Variants in WDFY3 observed in about 807,000 individuals in gnomAD.
WDFY3 encodes the protein WD repeat and FYVE domain containing 3, also known as WD repeat and FYVE domain-containing protein 3.
In WDFY3, 66 loss-of-function variants were observed where a neutral mutation model predicts 409.6. The ratio of observed to expected loss-of-function variants is 0.16; its 90% CI spans 0.13 to 0.20. The LOEUF (loss-of-function observed/expected upper bound fraction) is 0.20. Ranked by LOEUF, WDFY3 falls within the 10% of genes least tolerant of loss-of-function variation. The pLI, the probability that WDFY3 is intolerant of heterozygous loss-of-function variation, is 1.00. For synonymous variants in WDFY3, 1,521 were observed against 1,537.1 expected, an observed-to-expected ratio of 0.99 and a Z score of 0.25; for missense variants, 3,031 against 4,298.1, an observed-to-expected ratio of 0.71 and a Z score of 8.24.
At chr4:84,708,081 G>T (rs1029152438) in intron 53 of WDFY3, among the ~76,000 whole-genome samples, 4 of 152,102 alleles carry the variant, frequency 2.6e-5, no homozygotes, top group Non-Finnish European at 5.9e-5. Context: ...GCCTGTTATG[G>T]TTCATTTCTG....
At chr4:84,826,699 G>A in intron 10 of WDFY3, 116 bp downstream of exon 10, 3 of 1,035,548 alleles carry the variant, frequency 2.9e-6, no homozygotes, top group East Asian at 3.3e-5. Context: ...AGCTTTAAGG[G>A]AAACTATATT....
At chr4:84,907,170 G>A (rs1767150724) in intron 2 of WDFY3, among the ~76,000 whole-genome samples, 1 of 152,028 alleles carries the variant, frequency 6.6e-6, no homozygotes, top group East Asian at 1.9e-4. Flanking sequence ...GTCCCATTCT[G>A]TGTTGGTTAT....
chr4:84,885,388 TCTAA>T (rs1470351611), intron 3 of WDFY3, among the ~76,000 whole-genome samples: 1 of 150,848 alleles, frequency 6.6e-6, no homozygotes, highest in Non-Finnish European at 1.5e-5. Flanking sequence ...ACGTAAGAAC[TCTAA>T]CAGGATAAAT....
At position 84,809,910 on chromosome 4, in the gene WDFY3, T is replaced by G. The variant is rs1160315710; in HGVS notation, c.2322A>C (p.Lys774Asn). The change falls in exon 14 of 68, where the codon AAA (lysine) becomes AAC (asparagine). Residue 774 changes from lysine (K) to asparagine (N), a missense_variant. Lys to Asn is a moderately conservative substitution (Grantham distance 94, BLOSUM62 0). Around this residue, in one of 16 missense-constraint regions of WDFY3, gnomAD observed 1,322 missense variants for 1,697.9 expected, o/e 0.78. Transcript: ENST00000295888. ...HCSKLFIYLYKVATDSFDSRA... is the reference protein window; with the variant it reads ...HCSKLFIYLYNVATDSFDSRA... ...ACCTGTCAAAAGAATCTGTGGCTAC[T>G]TTGTAAAGATAAATAAAAAGTTTAC... 1 of 1,613,978 alleles carries G rather than the reference T, an allele frequency of 6.2e-7. No homozygotes were observed. Among genetic ancestry groups the G allele is most frequent in the African/African-American group, 1.3e-5 (1 of 74,920 alleles).
chr4:84,849,426 T>C (rs867658536), intron 5 of WDFY3, among the ~76,000 whole-genome samples: 9 of 152,024 alleles, frequency 5.9e-5, no homozygotes, highest in African/African-American at 2.2e-4. Context: ...TTTAGACATA[T>C]TGAAATGAGG....
intron 21 of WDFY3, among the ~76,000 whole-genome samples, chr4:84,790,557 A>G (rs934549391): frequency 6.6e-6 from 1 of 152,180 alleles, no homozygotes; most frequent in Non-Finnish European, 1.5e-5. Context: ...CAATAACGTT[A>G]TGATAAACAC....
intron 51 of WDFY3, among the ~76,000 whole-genome samples, chr4:84,712,065 T>G (rs1040399061): frequency 3.3e-5 from 5 of 152,078 alleles, no homozygotes; most frequent in African/African-American, 9.7e-5. Context: ...GACTCATGCC[T>G]GCAATCCCAG....
intron 3 of WDFY3, among the ~76,000 whole-genome samples, chr4:84,875,149 T>C (rs1255040577): frequency 6.6e-6 from 1 of 151,776 alleles, no homozygotes; most frequent in African/African-American, 2.4e-5. Context: ...GCGCCTGTAG[T>C]CCCAGCTACT....
rs550148953 is a variant in WDFY3, at chr4:84,869,210, C to T, written c.-31-8588G>A. On this transcript the variant is annotated intron_variant, in intron 3 of 67. Coordinates refer to ENST00000295888, the MANE Select transcript of WDFY3 (RefSeq NM_014991.6). ...GGCATCATTAGGAATTTATTTCTGACATCTCAAATTCCAAAATCTCACTCT... is the reference window on the plus strand; with the variant it reads ...GGCATCATTAGGAATTTATTTCTGATATCTCAAATTCCAAAATCTCACTCT... 2.0e-5 allele frequency among the ~76,000 whole-genome samples: 3 copies of T among 152,292 alleles called. No individual in the cohort carries two copies. In the South Asian group the frequency reaches 6.2e-4, roughly 32 times the overall value.
chr4:84,907,192 C>T (rs1306315346), intron 2 of WDFY3, among the ~76,000 whole-genome samples: 1 of 152,034 alleles, frequency 6.6e-6, no homozygotes, highest in Admixed American at 6.6e-5. Flanking sequence ...AATATATCCA[C>T]GAATTTTATG....
intron 3 of WDFY3, among the ~76,000 whole-genome samples, chr4:84,888,827 T>C (rs1329554546): frequency 6.6e-6 from 1 of 151,418 alleles, no homozygotes; most frequent in Non-Finnish European, 1.5e-5. Flanking sequence ...CACTAAAAAT[T>C]GGGGCTTTTT....
chr4:84,875,701 T>G (rs1762692196), intron 3 of WDFY3, among the ~76,000 whole-genome samples: 1 of 152,252 alleles, frequency 6.6e-6, no homozygotes, highest in Non-Finnish European at 1.5e-5. Flanking sequence ...CATTTTTATA[T>G]TTTAATTTTG....
chr4:84,687,515 T>C (rs1003730102), intron 62 of WDFY3, among the ~76,000 whole-genome samples: 18 of 152,206 alleles, frequency 1.2e-4, no homozygotes, highest in Admixed American at 7.9e-4. Context: ...AAGCTTTGTT[T>C]TATTTTAATC....
intron 3 of WDFY3, among the ~76,000 whole-genome samples, chr4:84,894,715 G>A (rs1319659317): frequency 1.3e-5 from 2 of 152,076 alleles, no homozygotes; most frequent in Non-Finnish European, 2.9e-5. Context: ...CAACCCAGGA[G>A]GCAGAGGATG....
Position 84,904,764 on chromosome 4 carries a change from T to C in WDFY3, c.-131-7754A>G, listed in dbSNP as rs772240383. 2.8e-4 allele frequency among the ~76,000 whole-genome samples: 43 copies of C among 152,226 alleles called. 1 individual carries two copies. The highest frequency in any genetic ancestry group is 5.9e-4 in the Non-Finnish European group (40 of 68,038). The stretch of plus-strand genomic sequence containing the variant: ...TCTACAACTTTAAATACCATCTGTA[T>C]ATCTCCTCCTAACTCTCTGAGCTTC... On this transcript the variant is annotated intron_variant, in intron 2 of 67. Coordinates refer to ENST00000295888, the MANE Select transcript of WDFY3 (RefSeq NM_014991.6).
intron 56 of WDFY3, among the ~76,000 whole-genome samples, chr4:84,697,565 G>C (rs895472976): frequency 4.6e-5 from 7 of 152,074 alleles, no homozygotes; most frequent in African/African-American, 1.7e-4. Flanking sequence ...AAATATAAAA[G>C]AAACCATTCA....
chr4:84,962,466 C>T (rs764902034), intron 1 of WDFY3, among the ~76,000 whole-genome samples: 5 of 151,964 alleles, frequency 3.3e-5, no homozygotes, highest in African/African-American at 9.7e-5. Context: ...ATTAAATTAA[C>T]GGTTTTCAGG....
At position 84,737,365 on chromosome 4, in the gene WDFY3, C is replaced by A; in HGVS notation, c.6576G>T (p.Gly2192=). ...DGSYSQDISE[G]RQLLIKAVNR... is the part of the protein sequence containing the mutation. ...TGACAGCTTTTATGAGAAGCTGACG[C>A]CCTAGTAAACAAACAAACAAACAAA... The change falls in exon 41 of 68, where the codon GGG becomes GGT. Residue 2192 remains glycine (G), a splice_region_variant and synonymous_variant. Transcript: ENST00000295888. The A allele has an allele frequency of 6.5e-7, 1 of 1,544,222 alleles. No individual in the cohort carries two copies. Among genetic ancestry groups the A allele is most frequent in the Non-Finnish European group, 8.7e-7 (1 of 1,146,676 alleles).
At chr4:84,842,780 C>A (rs921908112) in intron 5 of WDFY3, among the ~76,000 whole-genome samples, 1 of 152,096 alleles carries the variant, frequency 6.6e-6, no homozygotes, top group Admixed American at 6.5e-5. Context: ...GACTCCGTCT[C>A]AAAAACAAAA....
Sources: allele counts gnomAD v4.1 joint callset (sites outside exome capture counted in the v4.1 genomes callset), GRCh38; gene constraint gnomAD v4.1.1; regional missense constraint gnomAD v4.1.1; transcripts MANE v1.5; gene names NCBI Gene and HGNC (gene_info 2026-07-23, HGNC 2026-07-21).